Variants in PTK7 observed in about 807,000 individuals in gnomAD.
PTK7 encodes protein tyrosine kinase 7 (inactive), also known as inactive tyrosine-protein kinase 7.
PTK7 carries 39 observed loss-of-function variants against 116.6 expected under a neutral mutation model. That is an observed-to-expected ratio of 0.33 (90% confidence interval 0.26 to 0.44). The LOEUF is 0.44. Ranked by LOEUF, PTK7 falls within the 20% of genes least tolerant of loss-of-function variation. PTK7 has a pLI of 1.00. For synonymous variants in PTK7, 546 were observed against 563.6 expected (o/e 0.97, Z 0.44); for missense variants, 1,169 against 1,425.6 (o/e 0.82, Z 2.90).
chr6:43,160,637 C>G, intron 19 of PTK7, 84 bp from the exon 20 acceptor site: 1 of 1,537,406 alleles, frequency 6.5e-7, no homozygotes, highest in Non-Finnish European at 8.9e-7. Flanking sequence ...TGGGTGGCTG[C>G]TTGTATAAAC....
At position 43,152,426 on chromosome 6, in the gene PTK7, G is replaced by A. The variant is rs149004296; in HGVS notation, c.2721+5728G>A. The stretch of plus-strand genomic sequence containing the variant: ...ATGCCTGTAGTCCTGCTACTTGGGA[G>A]GCTGAGGCACAAGAATTGCTTGAAC... On this transcript the variant is annotated intron_variant, in intron 17 of 19. Coordinates refer to ENST00000230419, the MANE Select transcript of PTK7 (RefSeq NM_002821.5). Among the ~76,000 whole-genome samples, 231 of 152,346 alleles carry A rather than the reference G, an allele frequency of 1.5e-3. 3 individuals carry two copies. Among genetic ancestry groups the A allele is most frequent in the African/African-American group, 5.3e-3 (219 of 41,584 alleles).
chr6:43,093,180 CTCCTTTTTTTT>C (rs1239002373), intron 1 of PTK7, among the ~76,000 whole-genome samples: 1 of 134,448 alleles, frequency 7.4e-6, no homozygotes, highest in Admixed American at 7.7e-5. Context: ...ATGATAGGAT[CTCCTTTTTTTT>C]TTTTTTTTTT....
chr6:43,159,822 C>G lies in PTK7; in HGVS notation c.2908C>G (p.Leu970Val), dbSNP rs140378047. Reference protein sequence around the residue: ...YYHFRQAWVPLRWMSPEAILE... With the variant: ...YYHFRQAWVPVRWMSPEAILE... Reference sequence around the variant, plus strand: ...CCACTTCCGCCAGGCCTGGGTGCCGCTGCGCTGGATGTCCCCCGAGGCCAT... The same window carrying G: ...CCACTTCCGCCAGGCCTGGGTGCCGGTGCGCTGGATGTCCCCCGAGGCCAT... Residue 970 changes from leucine to valine, a missense_variant, in exon 19 of 20, where the codon CTG (leucine) becomes GTG (valine). Leu to Val is a conservative substitution (Grantham distance 32, BLOSUM62 1). Coordinates refer to ENST00000230419, the MANE Select transcript of PTK7 (RefSeq NM_002821.5). The G allele has an allele frequency of 9.3e-6, 15 of 1,614,106 alleles. No homozygotes were observed. The African/African-American group carries it at 2.0e-4, about 22-fold the overall frequency.
At chr6:43,152,034 A>T (rs932283980) in intron 17 of PTK7, among the ~76,000 whole-genome samples, 1 of 151,166 alleles carries the variant, frequency 6.6e-6, no homozygotes, top group Non-Finnish European at 1.5e-5. Context: ...TTTTTAGTAG[A>T]GACGGGGTTT....
intron 1 of PTK7, among the ~76,000 whole-genome samples, chr6:43,116,649 TGTGC>T (rs878871422): frequency 0.065 from 4,793 of 73,424 alleles, 136 homozygotes; most frequent in Middle Eastern, 0.092. Context: ...TGTGTGTGTG[TGTGC>T]GCGCGCACGC....
At chr6:43,128,894 T>TC (rs1769459304) in intron 1 of PTK7, 83 bp from the exon 2 acceptor site, 1 of 1,432,110 alleles carries the variant, frequency 7.0e-7, no homozygotes, top group African/African-American at 1.4e-5. Flanking sequence ...ACAGCCCCTT[T>TC]CCTCCTGTGC....
At chr6:43,102,261 C>CTA (rs751947014) in intron 1 of PTK7, among the ~76,000 whole-genome samples, 3 of 152,174 alleles carry the variant, frequency 2.0e-5, no homozygotes, top group Non-Finnish European at 2.9e-5. Context: ...CCCATCTCTA[C>CTA]TAAAAACCCA....
chr6:43,153,461 A>T (rs1771246995), intron 17 of PTK7, among the ~76,000 whole-genome samples: 1 of 150,554 alleles, frequency 6.6e-6, no homozygotes, highest in East Asian at 2.0e-4. Context: ...CCAGGCTGGA[A>T]TGCAGTGGTG....
intron 17 of PTK7, among the ~76,000 whole-genome samples, chr6:43,154,015 T>C (rs1161993986): frequency 6.6e-6 from 1 of 151,908 alleles, no homozygotes; most frequent in African/African-American, 2.4e-5. Context: ...ATAAAAAAAT[T>C]AGCCGTGCAT....
intron 1 of PTK7, among the ~76,000 whole-genome samples, chr6:43,079,444 C>G (rs542114427): frequency 8.2e-6 from 1 of 121,926 alleles, no homozygotes; most frequent in Non-Finnish European, 1.6e-5. Context: ...TGGGCGAGAT[C>G]GTGCCGAGAT....
intron 1 of PTK7, among the ~76,000 whole-genome samples, chr6:43,108,094 C>CTTTT (rs1327874500): frequency 7.3e-6 from 1 of 137,420 alleles, no homozygotes; most frequent in Admixed American, 7.3e-5. Flanking sequence ...GCTGCTTTAA[C>CTTTT]TTTTTTTTTT....
chr6:43,134,063 G>A lies in PTK7; in HGVS notation c.1228+1376G>A, dbSNP rs370236101. On this transcript the variant is annotated intron_variant, in intron 7 of 19. Coordinates refer to ENST00000230419, the MANE Select transcript of PTK7 (RefSeq NM_002821.5). ...ACTTTTTCTTCTTTTGTTTGAGACG[G>A]AGTCTCACTCTGTCACCCAGGCTGG... Among the ~76,000 whole-genome samples, 42 of 152,282 alleles carry A rather than the reference G, an allele frequency of 2.8e-4. 1 individual carries two copies. The South Asian group carries it at 8.5e-3, about 31-fold the overall frequency.
Position 43,144,602 on chromosome 6 carries a change from G to A in PTK7, c.2403G>A (p.Thr801=), listed in dbSNP as rs760406465. The change falls in exon 15 of 20, where the codon ACG becomes ACA. Residue 801 remains threonine (T), a synonymous_variant. Coordinates refer to ENST00000230419, the MANE Select transcript of PTK7 (RefSeq NM_002821.5). ...FPRSSLQPIT[T]LGKSEFGEVF... ...GGTCTAGCCTGCAGCCCATCACCAC[G>A]CTGGGTATGTTGCCTTGACTACAGC... 2.3e-5 allele frequency: 37 copies of A among 1,609,254 alleles called. No individual in the cohort carries two copies. In the East Asian group the frequency reaches 2.9e-4, roughly 13 times the overall value.
chr6:43,159,588 A>G (rs1771713591), intron 18 of PTK7, 200 bp from the exon 19 acceptor site: 1 of 598,336 alleles, frequency 1.7e-6, no homozygotes. Flanking sequence ...TTTTTTAACC[A>G]TCAAACCTCT....
At chr6:43,146,443 A>G (rs554467164) in intron 16 of PTK7, among the ~76,000 whole-genome samples, 175 bp from the exon 17 acceptor site, 1 of 139,894 alleles carries the variant, frequency 7.1e-6, no homozygotes, top group South Asian at 2.4e-4. Context: ...CGTCTCCTAT[A>G]TATTTTTAAA....
intron 1 of PTK7, among the ~76,000 whole-genome samples, chr6:43,105,586 A>G (rs918711935): frequency 6.6e-6 from 1 of 152,160 alleles, no homozygotes; most frequent in African/African-American, 2.4e-5. Flanking sequence ...GGGTCTCTGT[A>G]GATATAATCA....
At chr6:43,095,269 G>A (rs2150383094) in intron 1 of PTK7, among the ~76,000 whole-genome samples, 1 of 151,410 alleles carries the variant, frequency 6.6e-6, no homozygotes, top group Admixed American at 6.6e-5. Flanking sequence ...CTACTTGAGA[G>A]GCTAAGGCAG....
intron 1 of PTK7, among the ~76,000 whole-genome samples, chr6:43,085,674 C>T (rs1224775710): frequency 6.6e-6 from 1 of 151,910 alleles, no homozygotes; most frequent in Non-Finnish European, 1.5e-5. Context: ...TGGCTCACGC[C>T]TGTAATCCCA....
chr6:43,082,366 C>T (rs908799454), intron 1 of PTK7, among the ~76,000 whole-genome samples: 1 of 152,056 alleles, frequency 6.6e-6, no homozygotes, highest in African/African-American at 2.4e-5. Context: ...TTAGTAGAGA[C>T]AGGGTTTCAC....
Sources: gnomAD v4.1 joint callset for allele counts (sites outside exome capture counted in the v4.1 genomes callset) on GRCh38, gnomAD v4.1.1 for gene constraint, MANE v1.5 for transcripts, NCBI Gene and HGNC (gene_info 2026-07-23, HGNC 2026-07-21) for gene names.